The following NCK2 variants were observed in gnomAD, a reference collection of about 807,000 sequenced individuals.
The protein encoded by NCK2 is cytoplasmic protein NCK2.
In NCK2, 16 loss-of-function variants were observed where a neutral mutation model predicts 33.9. The ratio of observed to expected loss-of-function variants is 0.47; its 90% CI spans 0.32 to 0.72. The LOEUF is 0.72. Among genes scored for constraint, NCK2 ranks in the 30% least tolerant of loss-of-function variants. NCK2 has a pLI of 0.03. For synonymous variants in NCK2, 273 were observed against 239.9 expected, an observed-to-expected ratio of 1.14 and a Z score of -1.27; for missense variants, 418 against 537.3, an observed-to-expected ratio of 0.78 and a Z score of 2.19.
intron 1 of NCK2, among the ~76,000 whole-genome samples, chr2:105,761,673 T>G (rs937071777): frequency 1.3e-5 from 2 of 149,814 alleles, no homozygotes; most frequent in African/African-American, 4.9e-5. Context: ...AGCCCAGGAG[T>G]TCAAGACCAG....
chr2:105,873,875 T>C (rs1317060265), intron 3 of NCK2, among the ~76,000 whole-genome samples: 1 of 152,182 alleles, frequency 6.6e-6, no homozygotes, highest in African/African-American at 2.4e-5. Flanking sequence ...CAGATGCTGC[T>C]GCAACCCTGG....
At chr2:105,778,144 T>A (rs886106505) in intron 1 of NCK2, among the ~76,000 whole-genome samples, 3 of 152,186 alleles carry the variant, frequency 2.0e-5, no homozygotes, top group Non-Finnish European at 2.9e-5. Context: ...GTGAAGGAGA[T>A]GTTGGCAGGC....
chr2:105,813,300 G>A (rs538672423), intron 1 of NCK2, among the ~76,000 whole-genome samples: 3 of 152,296 alleles, frequency 2.0e-5, no homozygotes, highest in African/African-American at 7.2e-5. Context: ...GATTCCCTGA[G>A]CCTCCTGAAG....
intron 1 of NCK2, among the ~76,000 whole-genome samples, chr2:105,755,960 A>C (rs1304098252): frequency 1.3e-5 from 2 of 152,222 alleles, no homozygotes; most frequent in Non-Finnish European, 2.9e-5. Flanking sequence ...TAAAAATATC[A>C]CAAATTAGAC....
chr2:105,764,341 G>A (rs903665125), intron 1 of NCK2, among the ~76,000 whole-genome samples: 7 of 152,374 alleles, frequency 4.6e-5, no homozygotes, highest in South Asian at 2.1e-4. Flanking sequence ...CCCACAGCTC[G>A]AGTGGAAATG....
At chr2:105,854,030 G>A (rs1358973193) in intron 2 of NCK2, 1 of 152,222 alleles carries the variant, frequency 6.6e-6, no homozygotes, top group Admixed American at 6.5e-5. Context: ...TGCAAAAGTT[G>A]AGGCCTTAAA....
chr2:105,759,046 A>G (rs1689679576), intron 1 of NCK2, among the ~76,000 whole-genome samples: 1 of 152,172 alleles, frequency 6.6e-6, no homozygotes, highest in Non-Finnish European at 1.5e-5. Context: ...GTGATAGACT[A>G]TAATTAATGC....
intron 3 of NCK2, among the ~76,000 whole-genome samples, chr2:105,880,516 C>T (rs1268783330): frequency 3.9e-5 from 6 of 152,066 alleles, no homozygotes; most frequent in Non-Finnish European, 8.8e-5. Context: ...CAGTGAGTGT[C>T]CCAGGAGTGG....
intron 1 of NCK2, among the ~76,000 whole-genome samples, chr2:105,811,745 ACT>A (rs1369883040): frequency 2.0e-5 from 3 of 151,222 alleles, no homozygotes; most frequent in Non-Finnish European, 4.4e-5. Context: ...CTGCCACTGG[ACT>A]CTCTCCCTTC....
intron 1 of NCK2, among the ~76,000 whole-genome samples, chr2:105,774,894 T>G (rs1690252723): frequency 6.6e-6 from 1 of 151,556 alleles, no homozygotes; most frequent in Non-Finnish European, 1.5e-5. Flanking sequence ...GAAAAAACGC[T>G]TTCTAAAATC....
At chr2:105,847,052 G>A (rs553778388) in intron 2 of NCK2, 1 of 152,334 alleles carries the variant, frequency 6.6e-6, no homozygotes, top group Admixed American at 6.5e-5. Flanking sequence ...AGTGTAATTA[G>A]CCAGTCACAA....
chr2:105,770,986 G>A (rs913841594), intron 1 of NCK2, among the ~76,000 whole-genome samples: 30 of 151,980 alleles, frequency 2.0e-4, no homozygotes, highest in Admixed American at 7.2e-4. Context: ...GCAGTGGTGC[G>A]ATCTCAGCTC....
chr2:105,774,104 G>A lies in NCK2; in HGVS notation c.-201+28966G>A, dbSNP rs928766139. Among the ~76,000 whole-genome samples, 4 of 151,426 alleles carry A rather than the reference G, an allele frequency of 2.6e-5. No homozygotes were observed. The East Asian group carries it at 5.8e-4, about 22-fold the overall frequency. On this transcript the variant is annotated intron_variant, in intron 1 of 4. Coordinates refer to ENST00000233154, the MANE Select transcript of NCK2 (RefSeq NM_003581.5). Reference sequence around the variant, plus strand: ...GCTCACTGCAACCTCTGTCTCCCAGGTTCAAGCAATTCTCATGCCTCAGCT... The same window carrying A: ...GCTCACTGCAACCTCTGTCTCCCAGATTCAAGCAATTCTCATGCCTCAGCT...
intron 2 of NCK2, among the ~76,000 whole-genome samples, chr2:105,852,107 C>T (rs1387670011): frequency 7.0e-6 from 1 of 142,286 alleles, no homozygotes; most frequent in Non-Finnish European, 1.5e-5. Context: ...GACGGTTGGG[C>T]GGGTCGGGGA....
At position 105,773,993 on chromosome 2, in the gene NCK2, G is replaced by A. The variant is rs180710763; in HGVS notation, c.-201+28855G>A. 3.3e-5 allele frequency among the ~76,000 whole-genome samples: 5 copies of A among 151,256 alleles called. No homozygotes were observed. In the East Asian group the frequency reaches 9.7e-4, roughly 29 times the overall value. ...ATCTGGAAGTCCTCAGGTGGAAGAT[G>A]TGGATTTTTCCAGCTATCTTTTTTT... is the stretch of plus-strand genomic sequence containing the variant. On this transcript the variant is annotated intron_variant, in intron 1 of 4. Transcript: ENST00000233154.
chr2:105,833,188 G>A (rs994169749), intron 2 of NCK2, among the ~76,000 whole-genome samples: 1 of 151,524 alleles, frequency 6.6e-6, no homozygotes, highest in African/African-American at 2.4e-5. Context: ...TCCATCTCCC[G>A]GATTCAAACG....
chr2:105,860,365 G>A (rs1247272943), intron 3 of NCK2, among the ~76,000 whole-genome samples: 1 of 152,156 alleles, frequency 6.6e-6, no homozygotes, highest in Non-Finnish European at 1.5e-5. Flanking sequence ...GCATCCACAA[G>A]GGGACCCTAC....
chr2:105,781,028 C>T (rs1690478244), intron 1 of NCK2, among the ~76,000 whole-genome samples: 1 of 152,206 alleles, frequency 6.6e-6, no homozygotes, highest in African/African-American at 2.4e-5. Context: ...GATTTTGTCT[C>T]TCACCTGGTC....
At chr2:105,835,408 T>TATATATATATATATATACATAC (rs1553458610) in intron 2 of NCK2, among the ~76,000 whole-genome samples, 2 of 41,274 alleles carry the variant, frequency 4.8e-5, no homozygotes, top group South Asian at 1.1e-3. Flanking sequence ...TATATATACG[T>TATATATATATATATATACATAC]GTATATATAT....
Sources: allele counts gnomAD v4.1 joint callset (sites outside exome capture counted in the v4.1 genomes callset), GRCh38; gene constraint gnomAD v4.1.1; transcripts MANE v1.5; gene names NCBI Gene and HGNC (gene_info 2026-07-23, HGNC 2026-07-21).